ACTL6A: variants seen among roughly 807,000 people sequenced by gnomAD.
The protein encoded by ACTL6A is actin like 6A.
ACTL6A carries 5 observed loss-of-function variants against 59.2 expected under a neutral mutation model. The observed-to-expected ratio is 0.08, with a 90% CI of 0.04 to 0.18. ACTL6A has a LOEUF of 0.18. Among genes scored for constraint, ACTL6A ranks in the 10% least tolerant of loss-of-function variants. ACTL6A has a pLI of 1.00. For missense variants in ACTL6A, 285 were observed against 526.9 expected (o/e 0.54, Z 4.49); for synonymous variants, 154 against 171.8 (o/e 0.90, Z 0.81).
At chr3:179,582,851 T>A (rs1283240602) in intron 11 of ACTL6A, among the ~76,000 whole-genome samples, 2 of 152,192 alleles carry the variant, frequency 1.3e-5, no homozygotes, top group Admixed American at 1.3e-4. Context: ...CAAAAAAAAA[T>A]TATGATTTTT....
chr3:179,572,982 CTTTT>C (rs71628083), intron 3 of ACTL6A, among the ~76,000 whole-genome samples: 1 of 138,832 alleles, frequency 7.2e-6, no homozygotes. Context: ...ACAATTCTTT[CTTTT>C]TTTTTTTTTT....
chr3:179,581,770 A>G (rs1362749391), intron 11 of ACTL6A, among the ~76,000 whole-genome samples: 2 of 152,196 alleles, frequency 1.3e-5, no homozygotes, highest in African/African-American at 2.4e-5. Context: ...CTAACTCCAT[A>G]TTATATACTT....
chr3:179,586,851 TCAAA>T (rs1329431444), intron 13 of ACTL6A: 41 of 512,838 alleles, frequency 8.0e-5, no homozygotes, highest in Non-Finnish European at 1.2e-4. Context: ...ATGTCCCCTC[TCAAA>T]CAGAGGTGGA....
chr3:179,574,814 A>C (rs1307865201), intron 5 of ACTL6A: 1 of 182,200 alleles, frequency 5.5e-6, no homozygotes, highest in African/African-American at 2.4e-5. Context: ...ATCATAGAAA[A>C]CTGGAAATTG....
At chr3:179,577,677 T>C (rs1718209623) in intron 8 of ACTL6A, among the ~76,000 whole-genome samples, 1 of 152,174 alleles carries the variant, frequency 6.6e-6, no homozygotes, top group African/African-American at 2.4e-5. Context: ...TTCCCTTCTT[T>C]GTGTCCATGT....
chr3:179,575,281 C>A, intron 5 of ACTL6A: 1 of 420,748 alleles, frequency 2.4e-6, no homozygotes. Context: ...CTTGGTCTTC[C>A]CACATGCTCC....
At chr3:179,563,230 AC>A in intron 1 of ACTL6A, 113 bp downstream of exon 1, 1 of 1,406,558 alleles carries the variant, frequency 7.1e-7, no homozygotes, top group Non-Finnish European at 9.4e-7. Flanking sequence ...CCCTCTCGGG[AC>A]CCCGGCCTCC....
chr3:179,574,536 G>A (rs1718108911), intron 5 of ACTL6A, 69 bp downstream of exon 5: 1 of 1,116,574 alleles, frequency 9.0e-7, no homozygotes, highest in Non-Finnish European at 1.4e-6. Flanking sequence ...ATAACTCTGG[G>A]AGAAGACATA....
At chr3:179,567,010 A>G (rs954171309) in intron 1 of ACTL6A, among the ~76,000 whole-genome samples, 1 of 152,160 alleles carries the variant, frequency 6.6e-6, no homozygotes, top group African/African-American at 2.4e-5. Context: ...TCTTAAAAAC[A>G]TCACTCATAC....
At chr3:179,573,183 G>A (rs554531165) in intron 3 of ACTL6A, 186 bp from the exon 4 acceptor site, 2 of 450,736 alleles carry the variant, frequency 4.4e-6, no homozygotes. Context: ...CCAAAAAGAA[G>A]TTCTATATAT....
chr3:179,581,252 G>A (rs1718331493), intron 11 of ACTL6A, 32 bp downstream of exon 11: 2 of 1,558,698 alleles, frequency 1.3e-6, no homozygotes, highest in Non-Finnish European at 1.8e-6. Flanking sequence ...CGGTTTAAAG[G>A]TATCTTTTAG....
At chr3:179,587,250 A>C (rs1406716479) in intron 13 of ACTL6A, among the ~76,000 whole-genome samples, 2 of 152,054 alleles carry the variant, frequency 1.3e-5, no homozygotes, top group East Asian at 3.9e-4. Flanking sequence ...ATATATGTAT[A>C]CTGTATATAA....
intron 12 of ACTL6A, chr3:179,583,655 A>G (rs916672242): frequency 2.4e-6 from 1 of 424,196 alleles, no homozygotes; most frequent in African/African-American, 2.1e-5. Context: ...TCATTTATTA[A>G]TATTTAAATA....
chr3:179,586,743 C>T, intron 13 of ACTL6A, 111 bp downstream of exon 13: 1 of 887,170 alleles, frequency 1.1e-6, no homozygotes, highest in Non-Finnish European at 1.7e-6. Flanking sequence ...TTATAACTGT[C>T]AAATGAGTGG....
At chr3:179,563,640 G>A (rs1370154530) in intron 1 of ACTL6A, among the ~76,000 whole-genome samples, 1 of 152,226 alleles carries the variant, frequency 6.6e-6, no homozygotes, top group Non-Finnish European at 1.5e-5. Flanking sequence ...CGGCCACTTA[G>A]GGTACTGCCT....
chr3:179,586,544 A>G lies in ACTL6A; in HGVS notation c.1123-2A>G. ...GTACTAATGCATATTCTTCTATTTC[A>G]GAGTATGCGGTTGAAATTGATTGCA... is the stretch of plus-strand genomic sequence containing the variant. On this transcript the variant is annotated splice_acceptor_variant, in intron 12 of 13. Coordinates refer to ENST00000429709, the MANE Select transcript of ACTL6A (RefSeq NM_004301.5). LOFTEE classifies it high-confidence loss of function. The G allele has an allele frequency of 6.4e-7, 1 of 1,573,912 alleles. No individual in the cohort carries two copies. The highest frequency in any genetic ancestry group is 8.6e-7 in the Non-Finnish European group (1 of 1,166,778).
intron 13 of ACTL6A, 185 bp downstream of exon 13, chr3:179,586,817 T>A (rs1294182344): frequency 9.3e-6 from 5 of 538,308 alleles, no homozygotes; most frequent in Non-Finnish European, 1.3e-5. Flanking sequence ...GCCTAATTAG[T>A]GGACATTTGT....
Position 179,580,961 on chromosome 3 carries a change from G to A in ACTL6A, c.898G>A (p.Glu300Lys). Residue 300 changes from glutamate to lysine, a missense_variant, in exon 10 of 14, where the codon GAG becomes AAG. Coordinates refer to ENST00000429709, the MANE Select transcript of ACTL6A (RefSeq NM_004301.5). Reference protein sequence around the residue: ...PNGYNCDFGAERLKIPEGLFD... With the variant: ...PNGYNCDFGAKRLKIPEGLFD... ...TGGCTACAATTGTGATTTTGGTGCA[G>A]AGCGGCTAAAGATTCCAGAAGGATT... 1 of 1,585,986 alleles carries A rather than the reference G, an allele frequency of 6.3e-7. No homozygotes were observed. The highest frequency in any genetic ancestry group is 8.5e-7 in the Non-Finnish European group (1 of 1,173,632).
Position 179,570,318 on chromosome 3 carries a change from A to T in ACTL6A, c.277+77A>T. 1 of 1,290,332 alleles carries T rather than the reference A, an allele frequency of 7.7e-7. No homozygotes were observed. Among genetic ancestry groups the T allele is most frequent in the Non-Finnish European group, 1.0e-6 (1 of 965,590 alleles). 79.9% of individuals were successfully genotyped at this position (1,290,332 alleles called of 1,614,324 possible). The stretch of plus-strand genomic sequence containing the variant: ...AGATACAAAGTAGTAGCTTCCTATA[A>T]GTTGAACATCAACCATGGTTTTTTG... On this transcript the variant is annotated intron_variant, in intron 3 of 13. Transcript: ENST00000429709. This position sits in a 1 kb window ranked among gnomAD's most constrained non-coding sequence, Gnocchi z 4.3.
Sources: gnomAD v4.1 joint callset for allele counts (sites outside exome capture counted in the v4.1 genomes callset) on GRCh38, gnomAD v4.1.1 for gene constraint, Gnocchi (gnomAD v3.1) non-coding constraint, MANE v1.5 for transcripts, NCBI Gene and HGNC (gene_info 2026-07-23, HGNC 2026-07-21) for gene names.